NAV3: variants seen among roughly 807,000 people sequenced by gnomAD.
The protein encoded by NAV3 is neuron navigator 3, also known as pore membrane and/or filament interacting like protein 1.
In NAV3, 87 loss-of-function variants were observed where a neutral mutation model predicts 244.7. That is an observed-to-expected ratio of 0.36 (90% confidence interval 0.30 to 0.42). NAV3 has a LOEUF of 0.42. Among genes scored for constraint, NAV3 ranks in the 20% least tolerant of loss-of-function variants. NAV3 has a pLI of 1.00. For synonymous variants in NAV3, 1,126 were observed against 1,042.2 expected, an observed-to-expected ratio of 1.08 and a Z score of -1.55; for missense variants, 2,663 against 2,893.3, an observed-to-expected ratio of 0.92 and a Z score of 1.83.
chr12:77,986,124 G>T (rs1286527088), intron 5 of NAV3, among the ~76,000 whole-genome samples: 1 of 152,150 alleles, frequency 6.6e-6, no homozygotes, highest in East Asian at 1.9e-4. Flanking sequence ...CACTTTGGGA[G>T]GCCAAGGCGG....
chr12:77,689,977 T>A (rs1220790458), intron 2 of NAV3, among the ~76,000 whole-genome samples: 1 of 151,490 alleles, frequency 6.6e-6, no homozygotes, highest in East Asian at 1.9e-4. Flanking sequence ...TCACAAGGAG[T>A]TTTTTCCATT....
chr12:77,737,958 C>G (rs550174838), intron 2 of NAV3, among the ~76,000 whole-genome samples: 1 of 152,208 alleles, frequency 6.6e-6, no homozygotes, highest in African/African-American at 2.4e-5. Context: ...ACTGTTCTTG[C>G]TCCTTTCTCT....
chr12:78,140,380 A>T (rs774684078), intron 20 of NAV3, 46 bp downstream of exon 20: 5 of 1,443,140 alleles, frequency 3.5e-6, no homozygotes, highest in Non-Finnish European at 4.9e-6. Flanking sequence ...TGCCATGCAC[A>T]CAGATGATGA....
intron 2 of NAV3, among the ~76,000 whole-genome samples, chr12:77,698,250 C>G (rs995746170): frequency 6.6e-6 from 1 of 152,166 alleles, no homozygotes; most frequent in African/African-American, 2.4e-5. Context: ...GCGTTAATAT[C>G]TTGGCTAGCT....
At chr12:78,208,615 A>C (rs1960577580) in intron 39 of NAV3, among the ~76,000 whole-genome samples, 1 of 152,200 alleles carries the variant, frequency 6.6e-6, no homozygotes, top group Non-Finnish European at 1.5e-5. Flanking sequence ...TTTATTATGA[A>C]TCTGAGATGT....
chr12:77,741,700 A>G (rs1868340624), intron 2 of NAV3, among the ~76,000 whole-genome samples: 1 of 152,126 alleles, frequency 6.6e-6, no homozygotes, highest in African/African-American at 2.4e-5. Flanking sequence ...AATATAAACA[A>G]TTATTGTTTG....
At chr12:78,049,754 C>G (rs1348304285) in intron 9 of NAV3, among the ~76,000 whole-genome samples, 2 of 152,034 alleles carry the variant, frequency 1.3e-5, no homozygotes, top group Non-Finnish European at 2.9e-5. Context: ...ATTTTAAGGT[C>G]AAATCTACAA....
chr12:77,789,896 G>A (rs1191599505), intron 2 of NAV3, among the ~76,000 whole-genome samples: 1 of 151,022 alleles, frequency 6.6e-6, no homozygotes, highest in Non-Finnish European at 1.5e-5. Context: ...TTTTAAGAGA[G>A]CTTACGAATT....
intron 2 of NAV3, among the ~76,000 whole-genome samples, chr12:77,806,297 G>C (rs576289220): frequency 3.5e-4 from 54 of 152,270 alleles, no homozygotes; most frequent in African/African-American, 1.2e-3. Context: ...TCTCCTGGGT[G>C]CATTTAGTGC....
intron 5 of NAV3, 93 bp from the exon 6 acceptor site, chr12:77,994,710 T>A: frequency 1.0e-6 from 1 of 958,488 alleles, no homozygotes; most frequent in East Asian, 2.4e-5. Context: ...TCCAATTGCA[T>A]TTCATTAATT....
intron 2 of NAV3, among the ~76,000 whole-genome samples, chr12:77,607,185 AT>A (rs1174193360): frequency 1.3e-5 from 2 of 152,102 alleles, no homozygotes; most frequent in African/African-American, 2.4e-5. Flanking sequence ...GAATTTTCAA[AT>A]CTGTTGGTAA....
At chr12:77,794,952 G>A (rs977974824) in intron 2 of NAV3, among the ~76,000 whole-genome samples, 1 of 152,112 alleles carries the variant, frequency 6.6e-6, no homozygotes, top group Non-Finnish European at 1.5e-5. Flanking sequence ...AGACACAACC[G>A]TATTGAAATT....
intron 23 of NAV3, among the ~76,000 whole-genome samples, chr12:78,164,878 A>G (rs560054170): frequency 6.6e-6 from 1 of 152,038 alleles, no homozygotes; most frequent in Non-Finnish European, 1.5e-5. Flanking sequence ...ACTTGATGAG[A>G]TTGTCCCAAG....
intron 1 of NAV3, among the ~76,000 whole-genome samples, chr12:77,854,606 T>TG (rs59198422): frequency 2.5e-4 from 38 of 151,712 alleles, no homozygotes; most frequent in Admixed American, 2.5e-3. Context: ...TGTGTGTGTG[T>TG]TTGTGTGTGT....
chr12:78,180,556 A>T (rs1958454739), intron 29 of NAV3, among the ~76,000 whole-genome samples: 1 of 152,062 alleles, frequency 6.6e-6, no homozygotes, highest in South Asian at 2.1e-4. Flanking sequence ...GAGAAGTGTT[A>T]TGAATGATTT....
At chr12:77,766,395 T>C (rs1869753278) in intron 2 of NAV3, among the ~76,000 whole-genome samples, 2 of 152,240 alleles carry the variant, frequency 1.3e-5, no homozygotes, top group South Asian at 4.1e-4. Flanking sequence ...CTATTCTTTT[T>C]ATCTTAGTCT....
At chr12:78,202,804 G>A (rs1364490589) in intron 38 of NAV3, among the ~76,000 whole-genome samples, 2 of 151,874 alleles carry the variant, frequency 1.3e-5, no homozygotes, top group African/African-American at 2.4e-5. Context: ...GACTATGCTG[G>A]GCCAGAAAAG....
At chr12:78,146,426 CTA>C (rs780469255) in intron 21 of NAV3, 34 bp downstream of exon 21, 3 of 970,358 alleles carry the variant, frequency 3.1e-6, no homozygotes, top group Middle Eastern at 2.5e-4. Flanking sequence ...TTAATATTTT[CTA>C]TTTTAGTTTG....
At chr12:77,931,338 G>C (rs1490110609) in intron 1 of NAV3, among the ~76,000 whole-genome samples, 5 of 151,908 alleles carry the variant, frequency 3.3e-5, no homozygotes, top group African/African-American at 4.8e-5. Flanking sequence ...GTGCATGTGT[G>C]CATATGTGTG....
Sources: gnomAD v4.1 joint callset for allele counts (sites outside exome capture counted in the v4.1 genomes callset) on GRCh38, gnomAD v4.1.1 for gene constraint, MANE v1.5 for transcripts, NCBI Gene and HGNC (gene_info 2026-07-23, HGNC 2026-07-21) for gene names.